BRI3: variants seen among roughly 807,000 people sequenced by gnomAD.
BRI3 encodes brain protein I3, also known as membrane protein BRI3.
Under a neutral mutation model 12.8 loss-of-function variants are expected in BRI3, and 6 were observed. The ratio of observed to expected loss-of-function variants is 0.47; its 90% CI spans 0.26 to 0.93. BRI3 has a LOEUF of 0.93. Among genes scored for constraint, BRI3 ranks in the 40% least tolerant of loss-of-function variants. The pLI, the probability that BRI3 is intolerant of heterozygous loss-of-function variation, is 0.15. For missense variants in BRI3, 134 were observed against 171.1 expected (o/e 0.78, Z 1.21); for synonymous variants, 91 against 76.1 (o/e 1.20, Z -1.02).
the BRI3 span, among the ~76,000 whole-genome samples, chr7:98,319,776 A>G: frequency 5.3e-5 from 8 of 151,940 alleles, no homozygotes; most frequent in East Asian, 1.5e-3. Flanking sequence ...GTCTTGAACT[A>G]CTGACCTCAA....
chr7:98,300,838 T>C (rs1333400027), intron 1 of BRI3, among the ~76,000 whole-genome samples: 1 of 152,180 alleles, frequency 6.6e-6, no homozygotes. Context: ...CCCCAGCTCT[T>C]GAGCCCCCCA....
downstream of BRI3, chr7:98,291,962 GTGTGGACTGAATTCTCA>G (rs1394728991): frequency 6.5e-6 from 1 of 153,068 alleles, no homozygotes; most frequent in Non-Finnish European, 1.5e-5. Context: ...CATGGGGCTT[GTGTGGACTGAATTCTCA>G]TGTGGCTGCA....
downstream of BRI3, among the ~76,000 whole-genome samples, chr7:98,295,847 C>A (rs1029241289): frequency 6.6e-6 from 1 of 152,182 alleles, no homozygotes; most frequent in African/African-American, 2.4e-5. Context: ...ACAAAGAACG[C>A]AGCAAGAAGC....
At chr7:98,292,867 G>A, downstream of BRI3, 2 of 1,448,056 alleles carry the variant, frequency 1.4e-6, no homozygotes, top group East Asian at 2.5e-5. Context: ...AAGAAAAGGA[G>A]CTCTCGGAGG....
chr7:98,307,702 C>T lies in BRI3; in HGVS notation n.332C>T, dbSNP rs371521644. ...GCCCAGACTTACGCCTTGGACACGT[C>T]GTGTTCTCCATAGAGCCAGCCATCC... On this transcript the variant is annotated non_coding_transcript_exon_variant, in exon 2 of 2. Coordinates refer to the BRI3 transcript ENST00000485422. 10 of 1,613,984 alleles carry T rather than the reference C, an allele frequency of 6.2e-6. No individual in the cohort carries two copies. In the Admixed American group the frequency reaches 8.3e-5, roughly 13 times the overall value.
At chr7:98,303,308 G>A (rs1800502274), upstream of BRI3, among the ~76,000 whole-genome samples, 1 of 152,104 alleles carries the variant, frequency 6.6e-6, no homozygotes, top group East Asian at 1.9e-4. Flanking sequence ...AAGGTATAGG[G>A]GCCTGGCTCC....
At chr7:98,297,896 A>G (rs1040185051), downstream of BRI3, among the ~76,000 whole-genome samples, 4 of 152,230 alleles carry the variant, frequency 2.6e-5, no homozygotes, top group African/African-American at 9.6e-5. Context: ...GGAGGGAGCC[A>G]ATACTTCCTC....
downstream of BRI3, chr7:98,291,631 C>T (rs1341751492): frequency 1.9e-5 from 10 of 532,582 alleles, no homozygotes; most frequent in South Asian, 1.3e-4. Flanking sequence ...ATTCAGCAGG[C>T]GCTTACAGCT....
chr7:98,296,246 G>T (rs948598806), downstream of BRI3, among the ~76,000 whole-genome samples: 3 of 152,220 alleles, frequency 2.0e-5, no homozygotes, highest in African/African-American at 7.2e-5. Flanking sequence ...GGCCGGGAAC[G>T]TCCTGCTGGG....
At chr7:98,299,024 G>T (rs1800304851) in intron 1 of BRI3, among the ~76,000 whole-genome samples, 1 of 151,516 alleles carries the variant, frequency 6.6e-6, no homozygotes, top group South Asian at 2.1e-4. Context: ...GTTTTTTGGT[G>T]TTTTTTTTGA....
downstream of BRI3, chr7:98,292,663 C>CACGT: frequency 6.4e-7 from 1 of 1,551,686 alleles, no homozygotes; most frequent in Non-Finnish European, 8.7e-7. Flanking sequence ...CCTGGCTTTA[C>CACGT]ACGTATCCTT....
chr7:98,317,510 C>T, the BRI3 span, among the ~76,000 whole-genome samples: 7 of 148,622 alleles, frequency 4.7e-5, no homozygotes, highest in African/African-American at 1.5e-4. Flanking sequence ...CCCACACCCA[C>T]ACCAGTTCAC....
intron 2 of BRI3, among the ~76,000 whole-genome samples, chr7:98,284,300 G>GCT (rs1799634431): frequency 6.6e-6 from 1 of 152,212 alleles, no homozygotes; most frequent in Non-Finnish European, 1.5e-5. Context: ...ACGTCCCTGC[G>GCT]CTCTGCCCGT....
chr7:98,319,836 C>CA, the BRI3 span, among the ~76,000 whole-genome samples: 1 of 152,198 alleles, frequency 6.6e-6, no homozygotes, highest in Non-Finnish European at 1.5e-5. Context: ...CAGGCATGAG[C>CA]CACCGCACCT....
the BRI3 span, among the ~76,000 whole-genome samples, chr7:98,319,840 C>T: frequency 1.3e-5 from 2 of 152,146 alleles, no homozygotes; most frequent in Non-Finnish European, 2.9e-5. Context: ...CATGAGCCAC[C>T]GCACCTGGCC....
At chr7:98,301,474 G>GGT (rs1457442311) in intron 1 of BRI3, among the ~76,000 whole-genome samples, 3 of 95,526 alleles carry the variant, frequency 3.1e-5, no homozygotes, top group East Asian at 3.4e-4. Context: ...TTTTTTTTTT[G>GGT]GTATATATAT....
chr7:98,293,966 C>A (rs769385231), downstream of BRI3: 24 of 1,297,714 alleles, frequency 1.8e-5, no homozygotes, highest in East Asian at 2.3e-5. Context: ...CAGGCCGAGG[C>A]CTTTCTCAGG....
At chr7:98,294,057 T>C (rs189766591), downstream of BRI3, 113 of 1,613,492 alleles carry the variant, frequency 7.0e-5, 4 homozygotes, top group South Asian at 1.1e-3. Flanking sequence ...GAGGCTCACG[T>C]AGGAAGCCAC....
the BRI3 span, chr7:98,315,625 AAAT>A: frequency 1.3e-4 from 146 of 1,130,996 alleles, no homozygotes; most frequent in East Asian, 2.0e-3. Flanking sequence ...AAAAAAAAAA[AAAT>A]AATAATAATA....
Sources: allele counts gnomAD v4.1 joint callset (sites outside exome capture counted in the v4.1 genomes callset), GRCh38; gene constraint gnomAD v4.1.1; transcripts MANE v1.5; gene names NCBI Gene and HGNC (gene_info 2026-07-23, HGNC 2026-07-21).